Variants in PCLO observed in about 807,000 individuals in gnomAD.
The protein encoded by PCLO is piccolo presynaptic cytomatrix protein, also known as protein piccolo.
Under a neutral mutation model 427.5 loss-of-function variants are expected in PCLO, and 82 were observed. That is an observed-to-expected ratio of 0.19 (90% CI 0.16 to 0.23). PCLO has a LOEUF of 0.23. Among genes scored for constraint, PCLO ranks in the 10% least tolerant of loss-of-function variants. PCLO has a pLI of 1.00. For missense variants in PCLO, 6,239 were observed against 6,115.9 expected (o/e 1.02, Z -0.67); for synonymous variants, 2,357 against 2,155.4 (o/e 1.09, Z -2.59).
intron 10 of PCLO, among the ~76,000 whole-genome samples, chr7:82,860,080 A>AACGCCT (rs1792914620): frequency 6.6e-6 from 1 of 152,138 alleles, no homozygotes; most frequent in Non-Finnish European, 1.5e-5. Flanking sequence ...GGATCTAGGA[A>AACGCCT]ACGCCTCAAA....
intron 2 of PCLO, among the ~76,000 whole-genome samples, chr7:83,142,372 TG>T (rs1161783748): frequency 6.6e-6 from 1 of 152,226 alleles, no homozygotes; most frequent in Non-Finnish European, 1.5e-5. Flanking sequence ...AACATCTAAA[TG>T]GACTATTTAC....
chr7:82,854,937 A>C (rs1792764018), intron 10 of PCLO, among the ~76,000 whole-genome samples: 1 of 152,138 alleles, frequency 6.6e-6, no homozygotes, highest in African/African-American at 2.4e-5. Context: ...TTTTCATCAC[A>C]TTTTGAATAA....
intron 3 of PCLO, among the ~76,000 whole-genome samples, chr7:83,003,762 T>C (rs145743964): frequency 4.3e-4 from 66 of 151,892 alleles, no homozygotes; most frequent in African/African-American, 1.3e-3. Flanking sequence ...TTGTTGAGGA[T>C]TTTTGCATCT....
chr7:82,914,823 G>C lies in PCLO; in HGVS notation c.13163C>G (p.Thr4388Ser). Residue 4388 changes from threonine (T) to serine (S), a missense_variant, in exon 7 of 25, where the codon ACC becomes AGC. Physicochemically the swap from Thr to Ser is moderately conservative, Grantham distance 58. This residue lies in a region of PCLO where 877 missense variants were observed against 925.5 expected (regional missense o/e 0.95). Transcript: ENST00000333891. ...GTGGCTTGATCCAAACTGATCCCTG[G>C]TGTCTGCAGATATTGGTGGCAGGGG... ...AGPLPPISAD[T>S]RDQFGSSHSL... is the part of the protein sequence containing the mutation. The C allele has an allele frequency of 6.2e-7, 1 of 1,613,456 alleles. No homozygotes were observed. The highest frequency in any genetic ancestry group is 8.5e-7 in the Non-Finnish European group (1 of 1,179,700).
chr7:82,992,016 G>A (rs1796388682), intron 3 of PCLO, among the ~76,000 whole-genome samples: 1 of 151,986 alleles, frequency 6.6e-6, no homozygotes. Flanking sequence ...TTTTGCCTAT[G>A]TCAAAAAAAC....
intron 3 of PCLO, among the ~76,000 whole-genome samples, chr7:83,046,010 C>CCT (rs1428510988): frequency 2.6e-5 from 4 of 152,002 alleles, no homozygotes; most frequent in Non-Finnish European, 5.9e-5. Context: ...TTATCTGAGG[C>CCT]CTCTCTTCTT....
chr7:82,788,209 T>G (rs1436382883), intron 22 of PCLO, among the ~76,000 whole-genome samples: 1 of 147,638 alleles, frequency 6.8e-6, no homozygotes, highest in Non-Finnish European at 1.5e-5. Context: ...ATATTTAATA[T>G]ATAATTAATA....
chr7:82,904,811 C>T lies in PCLO; in HGVS notation c.13438-2070G>A, dbSNP rs192417683. Among the ~76,000 whole-genome samples the T allele has an allele frequency of 8.1e-3, 1,225 of 152,062 alleles. 6 individuals are homozygous for T. Among genetic ancestry groups the T allele is most frequent in the Non-Finnish European group, 0.011 (731 of 67,950 alleles). ...AAGGAATGTTGAACATATTAATTTT[C>T]TTGAATATTGCTTTAGGACATCTCA... On this transcript the variant is annotated intron_variant, in intron 8 of 24. Transcript: ENST00000333891.
intron 10 of PCLO, among the ~76,000 whole-genome samples, chr7:82,855,436 C>T (rs1432782642): frequency 2.6e-5 from 4 of 152,110 alleles, no homozygotes; most frequent in Admixed American, 2.6e-4. Flanking sequence ...AGCCTACATG[C>T]TAGCCTACCT....
intron 6 of PCLO, among the ~76,000 whole-genome samples, chr7:82,940,747 TTTTC>T (rs1300027553): frequency 8.9e-6 from 1 of 111,740 alleles, no homozygotes. Flanking sequence ...TTAATTATTT[TTTTC>T]TTTCTTTTTT....
rs184949301 is a variant in PCLO at position 83,085,732 on chromosome 7, A to T, written c.3300+48518T>A. ...CTTCTCATTAAACTGAGAATACTTT[A>T]AAAAAACACATTAATCCAAGTTTCT... On this transcript the variant is annotated intron_variant, in intron 3 of 24. Coordinates refer to ENST00000333891, the MANE Select transcript of PCLO (RefSeq NM_033026.6). Among the ~76,000 whole-genome samples the T allele has an allele frequency of 1.0e-3, 154 of 152,304 alleles. 1 individual carries two copies. Among genetic ancestry groups the T allele is most frequent in the African/African-American group, 3.1e-3 (128 of 41,566 alleles).
At chr7:82,920,136 A>T (rs1345767222) in intron 6 of PCLO, among the ~76,000 whole-genome samples, 1 of 151,876 alleles carries the variant, frequency 6.6e-6, no homozygotes, top group Non-Finnish European at 1.5e-5. Flanking sequence ...ATTTAAAAAA[A>T]CCTCTCAACT....
intron 3 of PCLO, among the ~76,000 whole-genome samples, chr7:82,991,636 G>A (rs183948134): frequency 8.5e-5 from 13 of 152,174 alleles, no homozygotes; most frequent in African/African-American, 3.1e-4. Flanking sequence ...TCTAAACACT[G>A]TGGGATCATA....
In PCLO at chr7:82,961,223, G is replaced by A. The variant is rs548640986; in HGVS notation, c.4018-4288C>T. On this transcript the variant is annotated intron_variant, in intron 4 of 24. Transcript: ENST00000333891. ...GAAAACTGACTACCACTAGGGAACA[G>A]AAGGGCAGACTCATGGAAGTCATGC... Among the ~76,000 whole-genome samples, 45 of 152,310 alleles carry A rather than the reference G, an allele frequency of 3.0e-4. 2 individuals are homozygous for A. In the South Asian group the frequency reaches 8.7e-3, roughly 29 times the overall value.
In PCLO at chr7:82,966,191, T is replaced by C. The variant is rs1385307236; in HGVS notation, c.3597A>G (p.Lys1199=). The C allele has an allele frequency of 2.5e-6, 4 of 1,611,414 alleles. No homozygotes were observed. Among genetic ancestry groups the C allele is most frequent in the Non-Finnish European group, 3.4e-6 (4 of 1,179,368 alleles). ...VTTDQKQEES[K]LEKDKASALQ... is the part of the protein sequence containing the mutation. ...GAGCTGAAGCTTTGTCTTTCTCTAGTTTACTCTCTTCTTGTTTTTGATCTG... is the reference window on the plus strand; with the variant it reads ...GAGCTGAAGCTTTGTCTTTCTCTAGCTTACTCTCTTCTTGTTTTTGATCTG... The change falls in exon 4 of 25, where the codon AAA becomes AAG. Residue 1199 remains lysine, a synonymous_variant. Transcript: ENST00000333891.
At chr7:83,130,780 A>G (rs1205798615) in intron 3 of PCLO, among the ~76,000 whole-genome samples, 1 of 152,190 alleles carries the variant, frequency 6.6e-6, no homozygotes, top group African/African-American at 2.4e-5. Context: ...AATCTCAGTT[A>G]CATCACTGGG....
At chr7:82,896,185 C>T (rs1372629166) in intron 9 of PCLO, among the ~76,000 whole-genome samples, 2 of 151,508 alleles carry the variant, frequency 1.3e-5, no homozygotes, top group African/African-American at 4.8e-5. Flanking sequence ...GTAAACTAAC[C>T]AATAAAAATT....
At chr7:83,097,526 ATATATATATATATAT>A (rs1562962935) in intron 3 of PCLO, among the ~76,000 whole-genome samples, 5 of 144,066 alleles carry the variant, frequency 3.5e-5, no homozygotes, top group African/African-American at 1.3e-4. Flanking sequence ...AGTCTCAAAA[ATATATATATATATAT>A]AATATATAAA....
chr7:82,811,519 G>C (rs1317065326), intron 20 of PCLO, among the ~76,000 whole-genome samples: 1 of 151,514 alleles, frequency 6.6e-6, no homozygotes, highest in Non-Finnish European at 1.5e-5. Flanking sequence ...GGTTTTAAGT[G>C]TCATTGTGCC....
Sources: allele counts gnomAD v4.1 joint callset (sites outside exome capture counted in the v4.1 genomes callset), GRCh38; gene constraint gnomAD v4.1.1; regional missense constraint gnomAD v4.1.1; transcripts MANE v1.5; gene names NCBI Gene and HGNC (gene_info 2026-07-23, HGNC 2026-07-21).